The following NUDT21 variants were observed in gnomAD, a reference collection of about 807,000 sequenced individuals.
NUDT21 encodes cleavage and polyadenylation specificity factor subunit 5.
A neutral mutation model predicts 29.8 loss-of-function variants in NUDT21; 5 were observed. The ratio of observed to expected loss-of-function variants is 0.17; its 90% CI spans 0.09 to 0.35. The LOEUF is 0.35. Ranked by LOEUF, NUDT21 falls within the 10% of genes least tolerant of loss-of-function variation. The probability of loss-of-function intolerance (pLI) is 1.00; values close to 1 mark genes in which losing one functional copy is unlikely to be tolerated. For missense variants in NUDT21, 76 were observed against 276.0 expected (o/e 0.28, Z 5.13); for synonymous variants, 113 against 98.5 (o/e 1.15, Z -0.87).
At chr16:56,449,218 A>T (rs1567540823) in intron 1 of NUDT21, 1 of 152,252 alleles carries the variant, frequency 6.6e-6, no homozygotes, top group Non-Finnish European at 1.5e-5. Context: ...CTGTTGCAAG[A>T]GCCAGCTCCA....
At chr16:56,444,277 C>A (rs1324879111) in intron 3 of NUDT21, among the ~76,000 whole-genome samples, 2 of 151,812 alleles carry the variant, frequency 1.3e-5, no homozygotes, top group African/African-American at 4.8e-5. Context: ...GAGTGAGACC[C>A]TGTCTCTAAA....
At position 56,435,743 on chromosome 16, in the gene NUDT21, TTATATATATATATATATATATATATATA is replaced by T. The variant is rs777245596; in HGVS notation, c.472-942_472-915del. 0.018 allele frequency among the ~76,000 whole-genome samples: 487 copies of T among 27,074 alleles called. 50 individuals carry two copies. The South Asian group carries it at 0.21, about 12-fold the overall frequency. 17.8% of individuals were successfully genotyped at this position (27,074 alleles called of 152,430 possible). A position where few individuals can be genotyped will look rare whatever the true frequency, so the allele number is the denominator to read the frequency against. On this transcript the variant is annotated intron_variant, in intron 4 of 6. Coordinates refer to ENST00000300291, the MANE Select transcript of NUDT21 (RefSeq NM_007006.3). ...TCTGTCTCCCAAAAAAAAAAAAAAA[TTATATATATATATATATATATATATATA>T]TATATATATATATGATCAGTAAGTT...
At position 56,432,698 on chromosome 16, in the gene NUDT21, C is replaced by T; in HGVS notation, c.*14G>A. ...AGACAAGCGGCTTCTTTTACTTCTC[C>T]ACTGCGCAGGAATTCAGTTGTAAAT... On this transcript the variant is annotated 3_prime_UTR_variant, in exon 7 of 7. Transcript: ENST00000300291. 1 of 1,609,548 alleles carries T rather than the reference C, an allele frequency of 6.2e-7. No individual in the cohort carries two copies. Among genetic ancestry groups the T allele is most frequent in the Non-Finnish European group, 8.5e-7 (1 of 1,177,058 alleles).
At chr16:56,450,155 A>C (rs1962270591) in intron 1 of NUDT21, among the ~76,000 whole-genome samples, 3 of 152,268 alleles carry the variant, frequency 2.0e-5, no homozygotes, top group Admixed American at 2.0e-4. Context: ...TTGTACCCTG[A>C]CTGGCATAAA....
intron 4 of NUDT21, among the ~76,000 whole-genome samples, chr16:56,437,360 T>C (rs1252500179): frequency 1.3e-5 from 2 of 152,228 alleles, no homozygotes; most frequent in Non-Finnish European, 2.9e-5. Context: ...ATAGGAATAT[T>C]TGAGCATCAG....
chr16:56,451,323 G>A lies in NUDT21; in HGVS notation c.-121C>T, dbSNP rs983528607. 13 of 824,338 alleles carry A rather than the reference G, an allele frequency of 1.6e-5. No homozygotes were observed. The highest frequency in any genetic ancestry group is 2.5e-5 in the Non-Finnish European group (13 of 525,904). 51.1% of individuals were successfully genotyped at this position (824,338 alleles called of 1,614,324 possible). On this transcript the variant is annotated 5_prime_UTR_variant, in exon 1 of 7. Coordinates refer to ENST00000300291, the MANE Select transcript of NUDT21 (RefSeq NM_007006.3). ...TACTGCCCGCCATTAACAGGACAGC[G>A]CAAGAGGAGGCGTAGGCACGCCGGA...
At chr16:56,448,418 A>C (rs1229765218) in intron 1 of NUDT21, among the ~76,000 whole-genome samples, 2 of 152,118 alleles carry the variant, frequency 1.3e-5, no homozygotes, top group African/African-American at 2.4e-5. Flanking sequence ...TTTTTCCTAA[A>C]ACTAAGCCAC....
chr16:56,443,850 T>A (rs1437516392), intron 3 of NUDT21, among the ~76,000 whole-genome samples: 1 of 152,228 alleles, frequency 6.6e-6, no homozygotes, highest in Non-Finnish European at 1.5e-5. Context: ...AATAAATCTT[T>A]TTCTTTATAA....
intron 3 of NUDT21, among the ~76,000 whole-genome samples, chr16:56,444,625 A>AC (rs1276155629): frequency 2.0e-5 from 3 of 151,656 alleles, no homozygotes; most frequent in South Asian, 2.1e-4. Flanking sequence ...AAAAACAAAA[A>AC]AAAAAAAAAA....
chr16:56,433,869 T>G (rs1430682178), intron 6 of NUDT21, among the ~76,000 whole-genome samples: 1 of 152,032 alleles, frequency 6.6e-6, no homozygotes, highest in Non-Finnish European at 1.5e-5. Context: ...GTATTTTTAG[T>G]AGAGATGGGG....
At chr16:56,450,263 CTTGA>C (rs1463596407) in intron 1 of NUDT21, among the ~76,000 whole-genome samples, 1 of 152,202 alleles carries the variant, frequency 6.6e-6, no homozygotes, top group Non-Finnish European at 1.5e-5. Flanking sequence ...CTGACAATTT[CTTGA>C]TTAAGACACC....
At chr16:56,433,377 T>C (rs908168542) in intron 6 of NUDT21, among the ~76,000 whole-genome samples, 1 of 152,204 alleles carries the variant, frequency 6.6e-6, no homozygotes, top group African/African-American at 2.4e-5. Flanking sequence ...ATAGGTATAA[T>C]AGTTTGTTCA....
intron 4 of NUDT21, among the ~76,000 whole-genome samples, chr16:56,438,109 C>G (rs1054717357): frequency 1.6e-4 from 25 of 152,162 alleles, no homozygotes; most frequent in Non-Finnish European, 2.1e-4. Context: ...TTCCTGTCTC[C>G]TGGTATTCAC....
rs376927250 is a variant in NUDT21 at position 56,444,534 on chromosome 16, C to T, written c.381+2092G>A. Among the ~76,000 whole-genome samples the T allele has an allele frequency of 4.7e-5, 7 of 150,130 alleles. No individual in the cohort carries two copies. The South Asian group carries it at 1.3e-3, about 27-fold the overall frequency. ...AGGAGGCAGAGGTTGCAGTGAGCAACCATTGCTCACATTGGAGATCACGCC... is the reference window on the plus strand; with the variant it reads ...AGGAGGCAGAGGTTGCAGTGAGCAATCATTGCTCACATTGGAGATCACGCC... On this transcript the variant is annotated intron_variant, in intron 3 of 6. Coordinates refer to ENST00000300291, the MANE Select transcript of NUDT21 (RefSeq NM_007006.3).
intron 1 of NUDT21, among the ~76,000 whole-genome samples, chr16:56,449,575 G>C (rs1384716078): frequency 2.0e-5 from 3 of 152,140 alleles, no homozygotes; most frequent in Admixed American, 6.5e-5. Context: ...AATTTTAATA[G>C]AGCGAAGATT....
At chr16:56,450,969 G>A in intron 1 of NUDT21, 118 bp downstream of exon 1, 2 of 756,648 alleles carry the variant, frequency 2.6e-6, no homozygotes, top group Non-Finnish European at 2.2e-6. Flanking sequence ...ATCCGCCAGC[G>A]GGAGTTGGAG....
intron 3 of NUDT21, among the ~76,000 whole-genome samples, chr16:56,442,777 A>G (rs1962173990): frequency 6.6e-6 from 1 of 152,198 alleles, no homozygotes; most frequent in South Asian, 2.1e-4. Flanking sequence ...TCCTTCTAGA[A>G]TGACCCACTA....
intron 4 of NUDT21, among the ~76,000 whole-genome samples, chr16:56,436,700 C>A (rs1962107649): frequency 6.6e-6 from 1 of 152,206 alleles, no homozygotes; most frequent in Non-Finnish European, 1.5e-5. Context: ...CTACATGTTC[C>A]TATTTTTTTA....
intron 4 of NUDT21, among the ~76,000 whole-genome samples, chr16:56,438,843 T>C (rs1239146624): frequency 6.6e-6 from 1 of 152,052 alleles, no homozygotes; most frequent in Non-Finnish European, 1.5e-5. Context: ...GAGACTATCC[T>C]AATCCAAACA....
Sources: allele counts gnomAD v4.1 joint callset (sites outside exome capture counted in the v4.1 genomes callset), GRCh38; gene constraint gnomAD v4.1.1; transcripts MANE v1.5; gene names NCBI Gene and HGNC (gene_info 2026-07-23, HGNC 2026-07-21).